XRCC4: variants seen among roughly 807,000 people sequenced by gnomAD.
XRCC4 encodes DNA repair protein XRCC4.
A neutral mutation model predicts 39.1 loss-of-function variants in XRCC4; 28 were observed. The ratio of observed to expected loss-of-function variants is 0.72; its 90% CI spans 0.53 to 0.98. The LOEUF is 0.98. Ranked by LOEUF, XRCC4 falls within the 50% of genes least tolerant of loss-of-function variation. The pLI, the probability that XRCC4 is intolerant of heterozygous loss-of-function variation, is 0.00. For synonymous variants in XRCC4, 123 were observed against 126.4 expected (o/e 0.97, Z 0.18); for missense variants, 350 against 376.4 (o/e 0.93, Z 0.58).
chr5:83,263,266 C>A (rs1753828705), intron 7 of XRCC4, among the ~76,000 whole-genome samples: 1 of 151,738 alleles, frequency 6.6e-6, no homozygotes, highest in East Asian at 1.9e-4. Flanking sequence ...TGGGTTGGTT[C>A]CAAGTCTTTG....
intron 7 of XRCC4, among the ~76,000 whole-genome samples, chr5:83,297,589 G>T (rs1174668753): frequency 6.6e-6 from 1 of 151,806 alleles, no homozygotes; most frequent in Non-Finnish European, 1.5e-5. Context: ...TTGGAGCTTG[G>T]TCGTGAAGAA....
At chr5:83,342,878 A>G (rs1469009836) in intron 7 of XRCC4, among the ~76,000 whole-genome samples, 1 of 152,164 alleles carries the variant, frequency 6.6e-6, no homozygotes, top group Non-Finnish European at 1.5e-5. Context: ...CATTATTTAA[A>G]ACTTTTCCAT....
intron 7 of XRCC4, among the ~76,000 whole-genome samples, chr5:83,347,170 A>G (rs538809580): frequency 4.6e-5 from 7 of 152,344 alleles, no homozygotes; most frequent in African/African-American, 1.7e-4. Context: ...ATACATCTCT[A>G]ATATATTATA....
chr5:83,238,106 A>G (rs57405083), intron 6 of XRCC4, among the ~76,000 whole-genome samples: 7,017 of 152,164 alleles, frequency 0.046, 461 homozygotes, highest in African/African-American at 0.15. Context: ...CCTGCTACAA[A>G]TGCACTCTAT....
chr5:83,168,547 ATCTCT>A (rs1236369321), intron 3 of XRCC4, among the ~76,000 whole-genome samples: 1 of 152,204 alleles, frequency 6.6e-6, no homozygotes, highest in African/African-American at 2.4e-5. Context: ...ATGGACAGAG[ATCTCT>A]TCTAGCAATT....
chr5:83,295,312 T>C (rs1032461016), intron 7 of XRCC4, among the ~76,000 whole-genome samples: 8 of 152,012 alleles, frequency 5.3e-5, no homozygotes, highest in African/African-American at 1.7e-4. Context: ...AAAAATGATA[T>C]GCATATAGAA....
chr5:83,308,802 ATTAT>A lies in XRCC4; in HGVS notation c.894-44325_894-44322del, dbSNP rs1483035950. ...CACTCATTAATATTTAGATTGCACA[ATTAT>A]TTAATATTTGTCCTATTTAGTCTCA... is the stretch of plus-strand genomic sequence containing the variant. On this transcript the variant is annotated intron_variant, in intron 7 of 7. Transcript: ENST00000396027. Among the ~76,000 whole-genome samples, 5 of 152,158 alleles carry A rather than the reference ATTAT, an allele frequency of 3.3e-5. No homozygotes were observed. The East Asian group carries it at 7.7e-4, about 23-fold the overall frequency.
intron 7 of XRCC4, 185 bp downstream of exon 7, chr5:83,258,862 TAAAGCTGA>T: frequency 1.2e-6 from 1 of 807,256 alleles, no homozygotes; most frequent in Non-Finnish European, 1.8e-6. Flanking sequence ...TATTAATATT[TAAAGCTGA>T]AATGCTGAGA....
intron 1 of XRCC4, among the ~76,000 whole-genome samples, chr5:83,086,952 A>AT (rs1745209644): frequency 6.6e-6 from 1 of 152,078 alleles, no homozygotes; most frequent in Non-Finnish European, 1.5e-5. Context: ...ATTTGGTTGA[A>AT]TTTTTTTGGC....
At chr5:83,091,572 G>A (rs1745431285) in intron 1 of XRCC4, among the ~76,000 whole-genome samples, 1 of 152,166 alleles carries the variant, frequency 6.6e-6, no homozygotes, top group Admixed American at 6.5e-5. Context: ...GCTTCTGTGA[G>A]TTCAATTAAT....
the XRCC4 span, among the ~76,000 whole-genome samples, chr5:83,372,016 T>G: frequency 6.6e-6 from 1 of 152,190 alleles, no homozygotes; most frequent in Non-Finnish European, 1.5e-5. Flanking sequence ...AATAACTATA[T>G]TGGTAGATTT....
chr5:83,233,390 C>T (rs927932666), intron 6 of XRCC4, among the ~76,000 whole-genome samples: 2 of 152,088 alleles, frequency 1.3e-5, no homozygotes, highest in African/African-American at 4.8e-5. Context: ...TATTCTTCCT[C>T]ATCTTTAGGC....
rs59326460 is a variant in XRCC4 at position 83,309,266 on chromosome 5, C to CAAAAAAAAAAA, written c.894-43844_894-43834dup. Among the ~76,000 whole-genome samples, 2 of 17,388 alleles carry CAAAAAAAAAAA rather than the reference C, an allele frequency of 1.2e-4. 1 individual carries two copies. Among genetic ancestry groups the CAAAAAAAAAAA allele is most frequent in the Non-Finnish European group, 2.5e-4 (2 of 7,956 alleles). 11.4% of individuals were successfully genotyped at this position (17,388 alleles called of 152,430 possible). On this transcript the variant is annotated intron_variant, in intron 7 of 7. Transcript: ENST00000396027. ...TGGGTGACAGAGCGAGACTCCGTCT[C>CAAAAAAAAAAA]AAAAAAAAAAAAAAAAAAAAAAAAA...
At chr5:83,131,712 T>C (rs1747594743) in intron 3 of XRCC4, among the ~76,000 whole-genome samples, 1 of 152,152 alleles carries the variant, frequency 6.6e-6, no homozygotes. Context: ...CCTCCTTTTT[T>C]TTTTATTTTC....
chr5:83,148,848 A>G (rs1561363512), intron 3 of XRCC4, among the ~76,000 whole-genome samples: 1 of 151,920 alleles, frequency 6.6e-6, no homozygotes, highest in Non-Finnish European at 1.5e-5. Flanking sequence ...TAATGAAGAT[A>G]TAATAATAAC....
At chr5:83,208,839 T>G (rs182528806) in intron 6 of XRCC4, among the ~76,000 whole-genome samples, 1 of 152,114 alleles carries the variant, frequency 6.6e-6, no homozygotes, top group African/African-American at 2.4e-5. Context: ...AGATAGATAG[T>G]GATTGTATTA....
chr5:83,167,905 T>A (rs1749556878), intron 3 of XRCC4, among the ~76,000 whole-genome samples: 1 of 152,186 alleles, frequency 6.6e-6, no homozygotes, highest in African/African-American at 2.4e-5. Context: ...CAAAGGAGAT[T>A]TATTACCATA....
At chr5:83,082,118 G>A (rs1024550201) in intron 1 of XRCC4, among the ~76,000 whole-genome samples, 27 of 152,012 alleles carry the variant, frequency 1.8e-4, no homozygotes, top group Non-Finnish European at 3.7e-4. Flanking sequence ...TCAGATTTTT[G>A]TTATTACCCA....
chr5:83,370,585 A>G, the XRCC4 span, among the ~76,000 whole-genome samples: 1 of 152,050 alleles, frequency 6.6e-6, no homozygotes, highest in African/African-American at 2.4e-5. Context: ...TGAACTCATA[A>G]TTTCCCTTCC....
Sources: gnomAD v4.1 joint callset for allele counts (sites outside exome capture counted in the v4.1 genomes callset) on GRCh38, gnomAD v4.1.1 for gene constraint, MANE v1.5 for transcripts, NCBI Gene and HGNC (gene_info 2026-07-23, HGNC 2026-07-21) for gene names.